The following IFT122 variants were observed in gnomAD, a reference collection of about 807,000 sequenced individuals.
IFT122 encodes the protein intraflagellar transport protein 122 homolog.
A neutral mutation model predicts 161.6 loss-of-function variants in IFT122; 118 were observed. The observed-to-expected ratio is 0.73, with a 90% CI of 0.63 to 0.85. The LOEUF is 0.85. Among genes scored for constraint, IFT122 ranks in the 40% least tolerant of loss-of-function variants. The probability of loss-of-function intolerance (pLI) is 0.00; values close to 1 mark genes in which losing one functional copy is unlikely to be tolerated. For synonymous variants in IFT122, 550 were observed against 602.4 expected (o/e 0.91, Z 1.27); for missense variants, 1,381 against 1,579.6 (o/e 0.87, Z 2.13).
chr3:129,461,441 G>C, intron 5 of IFT122, 137 bp downstream of exon 5: 3 of 728,464 alleles, frequency 4.1e-6, no homozygotes, highest in Non-Finnish European at 7.5e-6. Context: ...CTGAGGGGAG[G>C]CTGACAGTTA....
chr3:129,452,139 G>C, intron 3 of IFT122, 141 bp downstream of exon 3: 1 of 690,780 alleles, frequency 1.4e-6, no homozygotes, highest in Non-Finnish European at 2.6e-6. Context: ...TAAGACTTCA[G>C]TTTGGTCATT....
intron 4 of IFT122, chr3:129,459,478 A>T (rs1235738806): frequency 9.6e-6 from 3 of 313,988 alleles, no homozygotes; most frequent in Non-Finnish European, 1.9e-5. Context: ...TTTAGTAGAG[A>T]TGGGGTTTCA....
intron 16 of IFT122, among the ~76,000 whole-genome samples, chr3:129,490,860 C>T (rs1465383012): frequency 1.3e-5 from 2 of 152,206 alleles, no homozygotes; most frequent in Non-Finnish European, 2.9e-5. Flanking sequence ...CCCTTTTCTA[C>T]GAATTCCTCT....
rs755556032 is a variant in IFT122, at chr3:129,502,793, A to G, written c.2458A>G (p.Ser820Gly). ...CGCTACCTACCTCAAGAAGCTGGACAGCCCTGGCTATGCTGCTGAGACCTA... is the reference window on the plus strand; with the variant it reads ...CGCTACCTACCTCAAGAAGCTGGACGGCCCTGGCTATGCTGCTGAGACCTA... The part of the protein sequence containing the change: ...LCATYLKKLD[S>G]PGYAAETYLK... The change falls in exon 20 of 30, where the codon AGC becomes GGC. Residue 820 changes from serine to glycine, a missense_variant. Transcript: ENST00000348417. 49 of 1,613,120 alleles carry G rather than the reference A, an allele frequency of 3.0e-5. No homozygotes were observed. In the African/African-American group the frequency reaches 5.7e-4, roughly 19 times the overall value.
At chr3:129,489,854 AAAG>A (rs1559944899) in intron 16 of IFT122, among the ~76,000 whole-genome samples, 1 of 150,826 alleles carries the variant, frequency 6.6e-6, no homozygotes, top group Non-Finnish European at 1.5e-5. Flanking sequence ...AAAAAAAAAA[AAAG>A]AATTCAGAGG....
At chr3:129,517,827 T>C (rs550775733) in intron 27 of IFT122, among the ~76,000 whole-genome samples, 1 of 152,298 alleles carries the variant, frequency 6.6e-6, no homozygotes, top group African/African-American at 2.4e-5. Flanking sequence ...GGTCTTCCCG[T>C]GTGGGTCTCC....
At position 129,495,882 on chromosome 3, in the gene IFT122, A is replaced by T. The variant is rs190598707; in HGVS notation, c.2208+275A>T. Among the ~76,000 whole-genome samples the T allele has an allele frequency of 2.2e-3, 330 of 152,308 alleles. 5 individuals carry two copies. The highest frequency in any genetic ancestry group is 0.017 in the East Asian group (90 of 5,180). On this transcript the variant is annotated intron_variant, in intron 18 of 29. Transcript: ENST00000348417. ...TGGATGGCTGTGGGTCTACACCAGCACAATCCCTTCATTGAGTTGAGGGCT... is the reference window on the plus strand; with the variant it reads ...TGGATGGCTGTGGGTCTACACCAGCTCAATCCCTTCATTGAGTTGAGGGCT...
At chr3:129,445,083 T>C (rs1559825705) in intron 1 of IFT122, among the ~76,000 whole-genome samples, 1 of 152,098 alleles carries the variant, frequency 6.6e-6, no homozygotes, top group Non-Finnish European at 1.5e-5. Context: ...CCCAGCACTT[T>C]GGGAGGCTGA....
In IFT122 at chr3:129,514,531, G is replaced by T. The variant is rs149245630; in HGVS notation, c.3130G>T (p.Ala1044Ser). The T allele has an allele frequency of 4.3e-6, 7 of 1,614,210 alleles. No homozygotes were observed. The highest frequency in any genetic ancestry group is 5.9e-6 in the Non-Finnish European group (7 of 1,180,040). ...SIELGTLTIR[A>S]KPFHDSEELV... ...TGAGCTGGGTACCCTGACCATCCGC[G>T]CCAAGCCCTTCCACGACAGTGAGGT... Residue 1044 changes from alanine (A) to serine (S), a missense_variant, in exon 25 of 30, where the codon GCC (alanine) becomes TCC (serine). Physicochemically the swap from Ala to Ser is moderately conservative, Grantham distance 99. This residue lies in a region of IFT122 where 496 missense variants were observed against 502.5 expected (regional missense o/e 0.99). Coordinates refer to ENST00000348417, the MANE Select transcript of IFT122 (RefSeq NM_052989.3).
intron 9 of IFT122, 129 bp from the exon 10 acceptor site, chr3:129,476,186 A>G (rs1458058321): frequency 5.2e-6 from 5 of 956,392 alleles, no homozygotes; most frequent in South Asian, 4.2e-5. Flanking sequence ...GACACAGGAG[A>G]AAAGGCTGGC....
chr3:129,501,748 G>A (rs1226754993), intron 19 of IFT122, among the ~76,000 whole-genome samples: 1 of 152,224 alleles, frequency 6.6e-6, no homozygotes, highest in Non-Finnish European at 1.5e-5. Flanking sequence ...GGTGTGATGG[G>A]TGGGAAGGTT....
intron 8 of IFT122, 127 bp downstream of exon 8, chr3:129,467,193 C>T (rs774279326): frequency 2.4e-5 from 20 of 827,050 alleles, no homozygotes; most frequent in Admixed American, 1.7e-4. Flanking sequence ...TGGGTGAAAG[C>T]GCCTTCAAAA....
At position 129,516,318 on chromosome 3, in the gene IFT122, CCT is replaced by C. The variant is rs1306775442; in HGVS notation, c.3265+720_3265+721del. Among the ~76,000 whole-genome samples the C allele has an allele frequency of 2.5e-4, 33 of 134,456 alleles. 1 individual carries two copies. Among genetic ancestry groups the C allele is most frequent in the African/African-American group, 1.0e-3 (32 of 31,346 alleles). The allele number at this position is 134,456 out of a possible 152,430, so 88.2% of individuals were successfully genotyped here. ...CACACACACACACACAGAGACTGCC[CCT>C]GCACACACACAGAGACTGCCCCTGC... On this transcript the variant is annotated intron_variant, in intron 26 of 29. Transcript: ENST00000348417.
chr3:129,444,281 G>T (rs1184600033), intron 1 of IFT122, among the ~76,000 whole-genome samples: 1 of 152,212 alleles, frequency 6.6e-6, no homozygotes, highest in East Asian at 1.9e-4. Context: ...AACAAGGAAG[G>T]CCCAGGTCTG....
rs1320743917 is a variant in IFT122 at position 129,461,237 on chromosome 3, T to C, written c.282T>C (p.Asp94=). ...LEGILKYTHN[D]AIQCVSYNPI... ...GTTGTTTACTTCCCAGGCACAATGATGCTATACAATGTGTCTCCTACAATC... is the reference window on the plus strand; with the variant it reads ...GTTGTTTACTTCCCAGGCACAATGACGCTATACAATGTGTCTCCTACAATC... Residue 94 remains aspartate, a synonymous_variant, in exon 5 of 30, where the codon GAT becomes GAC. Coordinates refer to ENST00000348417, the MANE Select transcript of IFT122 (RefSeq NM_052989.3). The C allele has an allele frequency of 6.2e-7, 1 of 1,612,246 alleles. No homozygotes were observed. The highest frequency in any genetic ancestry group is 1.7e-5 in the Admixed American group (1 of 60,030).
At chr3:129,486,855 G>A (rs2079343631) in intron 15 of IFT122, among the ~76,000 whole-genome samples, 2 of 152,156 alleles carry the variant, frequency 1.3e-5, no homozygotes, top group Non-Finnish European at 2.9e-5. Flanking sequence ...CCTAGGATGT[G>A]GCTGAGCCTG....
intron 15 of IFT122, chr3:129,487,779 G>A: frequency 3.8e-6 from 1 of 262,572 alleles, no homozygotes. Flanking sequence ...GCTTTGCTGT[G>A]GGAACAGGCC....
chr3:129,448,700 T>A (rs1267294286), intron 1 of IFT122, among the ~76,000 whole-genome samples: 6 of 151,434 alleles, frequency 4.0e-5, no homozygotes, highest in Non-Finnish European at 7.4e-5. Context: ...TTTATTTATT[T>A]TTTTTTTTTG....
intron 16 of IFT122, among the ~76,000 whole-genome samples, chr3:129,491,878 A>G (rs1374731471): frequency 1.3e-5 from 2 of 152,170 alleles, no homozygotes; most frequent in African/African-American, 4.8e-5. Flanking sequence ...CTGTGGCATC[A>G]CGGTTTTGTT....
Sources: allele counts gnomAD v4.1 joint callset (sites outside exome capture counted in the v4.1 genomes callset), GRCh38; gene constraint gnomAD v4.1.1; regional missense constraint gnomAD v4.1.1; transcripts MANE v1.5; gene names NCBI Gene and HGNC (gene_info 2026-07-23, HGNC 2026-07-21).